Variants in RNF169 observed in about 807,000 individuals in gnomAD.
RNF169 encodes the protein E3 ubiquitin-protein ligase RNF169.
Under a neutral mutation model 53.9 loss-of-function variants are expected in RNF169, and 24 were observed. The observed-to-expected ratio is 0.45, with a 90% confidence interval of 0.32 to 0.63. The LOEUF is 0.63. Ranked by LOEUF, RNF169 falls within the 20% of genes least tolerant of loss-of-function variation. RNF169 has a pLI of 0.04. For synonymous variants in RNF169, 396 were observed against 363.5 expected (o/e 1.09, Z -1.02); for missense variants, 883 against 906.2 (o/e 0.97, Z 0.33).
intron 2 of RNF169, among the ~76,000 whole-genome samples, chr11:74,790,443 A>G (rs2035563296): frequency 6.6e-6 from 1 of 152,236 alleles, no homozygotes; most frequent in South Asian, 2.1e-4. Flanking sequence ...AGGTGAAACA[A>G]TAATGCTATT....
chr11:74,793,030 A>G (rs571161702), intron 2 of RNF169, among the ~76,000 whole-genome samples: 9 of 152,354 alleles, frequency 5.9e-5, no homozygotes, highest in African/African-American at 1.9e-4. Flanking sequence ...TATCCATACA[A>G]TGGCATACTA....
intron 1 of RNF169, among the ~76,000 whole-genome samples, chr11:74,763,217 G>T (rs1424019328): frequency 6.6e-6 from 1 of 152,198 alleles, no homozygotes; most frequent in Non-Finnish European, 1.5e-5. Flanking sequence ...CTTCAAGCTA[G>T]TGAGACAGGA....
At chr11:74,795,253 T>C (rs968195932) in intron 2 of RNF169, among the ~76,000 whole-genome samples, 5 of 145,712 alleles carry the variant, frequency 3.4e-5, no homozygotes, top group African/African-American at 1.3e-4. Context: ...AGGGTCTCAC[T>C]CTATCACCCA....
intron 3 of RNF169, among the ~76,000 whole-genome samples, chr11:74,815,060 A>T (rs893517320): frequency 3.3e-5 from 5 of 152,064 alleles, no homozygotes; most frequent in African/African-American, 1.2e-4. Context: ...TTTAGGTACA[A>T]CATTGTTTTA....
At position 74,842,314 on chromosome 11, in the gene RNF169, GTTAT is replaced by G. The variant is rs771993336; in HGVS notation, c.*5588_*5591del. ...ATGGAATCAAGTGGGCTGATGTGTT[GTTAT>G]TTAAACAGTACCAAAGTGCATTCTT... On this transcript the variant is annotated 3_prime_UTR_variant, in exon 6 of 6. Coordinates refer to ENST00000299563, the MANE Select transcript of RNF169 (RefSeq NM_001098638.2). The G allele has an allele frequency of 5.3e-5, 8 of 152,214 alleles. No individual in the cohort carries two copies. Among genetic ancestry groups the G allele is most frequent in the Non-Finnish European group, 7.3e-5 (5 of 68,034 alleles). 9.4% of individuals were successfully genotyped at this position (152,214 alleles called of 1,614,324 possible).
At chr11:74,765,843 A>G (rs530105243) in intron 1 of RNF169, among the ~76,000 whole-genome samples, 2 of 151,928 alleles carry the variant, frequency 1.3e-5, no homozygotes, top group South Asian at 2.1e-4. Flanking sequence ...AAAAAAACCC[A>G]AAACCAAGTG....
chr11:74,796,672 G>A (rs2035653713), intron 2 of RNF169, among the ~76,000 whole-genome samples: 1 of 151,880 alleles, frequency 6.6e-6, no homozygotes, highest in African/African-American at 2.4e-5. Context: ...ACTGAAGGTG[G>A]GGGAAAAGAT....
Position 74,836,925 on chromosome 11 carries a change from C to G in RNF169, c.*195C>G, listed in dbSNP as rs2036266213. The G allele has an allele frequency of 1.9e-6, 1 of 534,930 alleles. No homozygotes were observed. Among genetic ancestry groups the G allele is most frequent in the African/African-American group, 1.9e-5 (1 of 52,586 alleles). The allele number at this position is 534,930 out of a possible 1,614,324, so 33.1% of individuals were successfully genotyped here. A position where few individuals can be genotyped will look rare whatever the true frequency, so the allele number is the denominator to read the frequency against. On this transcript the variant is annotated 3_prime_UTR_variant, in exon 6 of 6. Transcript: ENST00000299563. ...TTTCTCTGTGACCCAGGCCAGAAGC[C>G]TGAGTGACCCATCCCTAAGGGCTTC...
intron 1 of RNF169, among the ~76,000 whole-genome samples, chr11:74,774,960 T>G (rs1172818493): frequency 6.6e-6 from 1 of 151,942 alleles, no homozygotes; most frequent in Non-Finnish European, 1.5e-5. Flanking sequence ...GACGACAGAG[T>G]GAGACTCCAT....
At chr11:74,771,169 AGTT>A (rs2035254952) in intron 1 of RNF169, among the ~76,000 whole-genome samples, 1 of 152,134 alleles carries the variant, frequency 6.6e-6, no homozygotes, top group South Asian at 2.1e-4. Flanking sequence ...GGGAAATACT[AGTT>A]GTAGTAATTT....
intron 2 of RNF169, among the ~76,000 whole-genome samples, chr11:74,800,101 A>G (rs1239944447): frequency 2.6e-5 from 4 of 151,786 alleles, no homozygotes; most frequent in African/African-American, 9.7e-5. Flanking sequence ...ACCATTCAAG[A>G]GTCAGAAATA....
intron 2 of RNF169, among the ~76,000 whole-genome samples, chr11:74,806,180 G>T (rs564795779): frequency 3.3e-5 from 5 of 152,106 alleles, no homozygotes; most frequent in Non-Finnish European, 7.4e-5. Flanking sequence ...AAAGGGTAAA[G>T]ATATCAATAG....
intron 1 of RNF169, among the ~76,000 whole-genome samples, chr11:74,765,814 A>AC (rs1054741828): frequency 6.7e-5 from 10 of 148,760 alleles, no homozygotes; most frequent in Non-Finnish European, 1.0e-4. Context: ...CTCAAAAAAA[A>AC]AAAAACAAAA....
chr11:74,806,285 A>G (rs1445018036), intron 2 of RNF169, among the ~76,000 whole-genome samples: 1 of 152,248 alleles, frequency 6.6e-6, no homozygotes, highest in East Asian at 1.9e-4. Flanking sequence ...AATTAAAATA[A>G]TGCAGTGCCA....
At chr11:74,806,686 A>G (rs1565182085) in intron 2 of RNF169, among the ~76,000 whole-genome samples, 1 of 152,228 alleles carries the variant, frequency 6.6e-6, no homozygotes, top group Non-Finnish European at 1.5e-5. Context: ...TGAAGGCAGA[A>G]AGATTCAGTA....
chr11:74,827,946 C>T (rs2135143125), intron 4 of RNF169, among the ~76,000 whole-genome samples: 1 of 152,334 alleles, frequency 6.6e-6, no homozygotes, highest in African/African-American at 2.4e-5. Flanking sequence ...CCTCTCTCAC[C>T]ACTCCTATTC....
In RNF169 at chr11:74,836,268, A is replaced by G; in HGVS notation, c.1665A>G (p.Pro555=). Residue 555 remains proline, a synonymous_variant, in exon 6 of 6, where the codon CCA becomes CCG. Coordinates refer to ENST00000299563, the MANE Select transcript of RNF169 (RefSeq NM_001098638.2). ...AGTTTGAGGGGTTAGGGTCAACTCCAGATGCCAAGTTAGACAAAACCTGTA... is the reference window on the plus strand; with the variant it reads ...AGTTTGAGGGGTTAGGGTCAACTCCGGATGCCAAGTTAGACAAAACCTGTA... ...REQFEGLGST[P]DAKLDKTCIS... is the part of the protein sequence containing the mutation. 6.2e-7 allele frequency: 1 copy of G among 1,614,226 alleles called. No individual in the cohort carries two copies. The highest frequency in any genetic ancestry group is 8.5e-7 in the Non-Finnish European group (1 of 1,180,038).
At chr11:74,791,144 A>C (rs368623698) in intron 2 of RNF169, among the ~76,000 whole-genome samples, 2 of 152,120 alleles carry the variant, frequency 1.3e-5, no homozygotes, top group East Asian at 3.9e-4. Context: ...CCGGACATCT[A>C]CTCAGCTCTC....
chr11:74,820,994 C>CCTTTG (rs2036002018), intron 4 of RNF169, among the ~76,000 whole-genome samples: 1 of 152,134 alleles, frequency 6.6e-6, no homozygotes, highest in African/African-American at 2.4e-5. Flanking sequence ...AGCTGCAATT[C>CCTTTG]AAAGAGGTTA....
Sources: gnomAD v4.1 joint callset for allele counts (sites outside exome capture counted in the v4.1 genomes callset) on GRCh38, gnomAD v4.1.1 for gene constraint, MANE v1.5 for transcripts, NCBI Gene and HGNC (gene_info 2026-07-23, HGNC 2026-07-21) for gene names.